Variants in KLHL5 observed in about 807,000 individuals in gnomAD.
The protein encoded by KLHL5 is kelch like family member 5, also known as kelch-like protein 5.
A neutral mutation model predicts 77.7 loss-of-function variants in KLHL5; 48 were observed. That is an observed-to-expected ratio of 0.62 (90% confidence interval 0.49 to 0.79). KLHL5 has a LOEUF of 0.79. KLHL5 is among the 30% of genes least tolerant of loss of function. The pLI is 0.00. For missense variants in KLHL5, 723 were observed against 859.7 expected (o/e 0.84, Z 1.99); for synonymous variants, 260 against 297.0 (o/e 0.88, Z 1.28).
chr4:39,141,591 A>G, the KLHL5 span, among the ~76,000 whole-genome samples: 67 of 152,114 alleles, frequency 4.4e-4, no homozygotes, highest in African/African-American at 9.2e-4. Context: ...GATTACAGGC[A>G]TGAGCCACCG....
At chr4:39,077,108 T>C (rs1011296685) in intron 2 of KLHL5, among the ~76,000 whole-genome samples, 5 of 149,574 alleles carry the variant, frequency 3.3e-5, no homozygotes, top group Non-Finnish European at 7.4e-5. Flanking sequence ...AAAAGTGGGC[T>C]AAGGACATGA....
the KLHL5 span, among the ~76,000 whole-genome samples, chr4:39,132,887 A>G: frequency 2.0e-5 from 3 of 148,842 alleles, no homozygotes; most frequent in Admixed American, 6.6e-5. Flanking sequence ...AATTCTATCT[A>G]GTCTTTCATA....
downstream of KLHL5, among the ~76,000 whole-genome samples, chr4:39,128,927 G>T (rs997018320): frequency 6.6e-6 from 1 of 151,984 alleles, no homozygotes; most frequent in African/African-American, 2.4e-5. Flanking sequence ...GATCAGCCTG[G>T]GTGACAGAGT....
Position 39,067,784 on chromosome 4 carries a change from G to A in KLHL5, c.383+4749G>A, listed in dbSNP as rs561708790. Among the ~76,000 whole-genome samples, 10 of 151,730 alleles carry A rather than the reference G, an allele frequency of 6.6e-5. No individual in the cohort carries two copies. In the East Asian group the frequency reaches 1.9e-3, roughly 30 times the overall value. ...CAGTCTTTGCCTCCTGGGTTCAAGC[G>A]ATTCTCCTGCCTCAGCCCCCAGAGT... On this transcript the variant is annotated intron_variant, in intron 1 of 10. Transcript: ENST00000504108.
At chr4:39,048,490 G>T (rs1716370707) in intron 1 of KLHL5, among the ~76,000 whole-genome samples, 1 of 152,118 alleles carries the variant, frequency 6.6e-6, no homozygotes, top group Non-Finnish European at 1.5e-5. Flanking sequence ...AAACAGCAAA[G>T]ATTTTTTTCT....
chr4:39,080,564 C>G (rs1270070697), intron 2 of KLHL5, among the ~76,000 whole-genome samples: 6 of 150,730 alleles, frequency 4.0e-5, no homozygotes, highest in Non-Finnish European at 7.4e-5. Context: ...TATATATGAC[C>G]ATTAAAAACT....
the KLHL5 span, among the ~76,000 whole-genome samples, chr4:39,141,887 A>G: frequency 6.6e-6 from 1 of 152,252 alleles, no homozygotes; most frequent in Non-Finnish European, 1.5e-5. Context: ...AGAGAACATG[A>G]GCAAATCATT....
In KLHL5 at chr4:39,124,856, G is replaced by A. The variant is rs1484437031; in HGVS notation, c.*3790G>A. On this transcript the variant is annotated 3_prime_UTR_variant, in exon 11 of 11. Transcript: ENST00000504108. ...AATTAAAAGCTTCTACATATCAAGG[G>A]ACACTATGAAGAAAGTGAAAAGACA... 7.2e-6 allele frequency among the ~76,000 whole-genome samples: 1 copy of A among 139,832 alleles called. No individual in the cohort carries two copies. The highest frequency in any genetic ancestry group is 1.5e-5 in the Non-Finnish European group (1 of 64,958). The allele number at this position is 139,832 out of a possible 152,430, so 91.7% of individuals were successfully genotyped here.
chr4:39,127,621 T>C (rs1048649487), downstream of KLHL5, among the ~76,000 whole-genome samples: 2 of 150,472 alleles, frequency 1.3e-5, no homozygotes, highest in African/African-American at 2.4e-5. Flanking sequence ...GTTTGGCTAA[T>C]TTTTTTTTTC....
Position 39,074,875 on chromosome 4 carries a change from T to C in KLHL5, c.384-1090T>C, listed in dbSNP as rs377430038. Among the ~76,000 whole-genome samples, 188 of 152,294 alleles carry C rather than the reference T, an allele frequency of 1.2e-3. 2 individuals are homozygous for C. The South Asian group carries it at 0.029, about 23-fold the overall frequency. On this transcript the variant is annotated intron_variant, in intron 1 of 10. Coordinates refer to ENST00000504108, the MANE Select transcript of KLHL5 (RefSeq NM_015990.5). ...CTAAGTTATGGCACAGTCACTGGTTTTATAGTTAATTGCATAACCAACCGA... is the reference window on the plus strand; with the variant it reads ...CTAAGTTATGGCACAGTCACTGGTTCTATAGTTAATTGCATAACCAACCGA...
At chr4:39,059,534 A>T (rs940241428), upstream of KLHL5, among the ~76,000 whole-genome samples, 1 of 152,084 alleles carries the variant, frequency 6.6e-6, no homozygotes, top group African/African-American at 2.4e-5. Context: ...CTCACTTGAG[A>T]TCAGGAGTTT....
chr4:39,102,540 T>G (rs1366015989), intron 6 of KLHL5, among the ~76,000 whole-genome samples: 7 of 152,076 alleles, frequency 4.6e-5, no homozygotes, highest in Non-Finnish European at 1.0e-4. Context: ...AAGACAGCTC[T>G]TCTGCCTATG....
chr4:39,060,291 A>T (rs1003626738), upstream of KLHL5, among the ~76,000 whole-genome samples: 1 of 152,186 alleles, frequency 6.6e-6, no homozygotes, highest in Non-Finnish European at 1.5e-5. Flanking sequence ...TATATGTACC[A>T]AGCTTGGCGT....
chr4:39,115,135 T>C (rs1722742160), intron 9 of KLHL5, 24 bp from the exon 10 acceptor site: 5 of 1,588,926 alleles, frequency 3.1e-6, no homozygotes, highest in Non-Finnish European at 4.3e-6. Context: ...TAATGTCAGC[T>C]CCGGTTCTAA....
upstream of KLHL5, among the ~76,000 whole-genome samples, chr4:39,057,452 T>TA (rs1717080326): frequency 6.6e-6 from 1 of 152,182 alleles, no homozygotes; most frequent in Non-Finnish European, 1.5e-5. Flanking sequence ...TCAAGGTTAG[T>TA]AAAAATAGAT....
chr4:39,044,988 G>A (rs1158796713), upstream of KLHL5: 15 of 990,174 alleles, frequency 1.5e-5, no homozygotes, highest in African/African-American at 3.5e-5. Flanking sequence ...GCGCGCGAGG[G>A]GCCGAGCATC....
Position 39,107,696 on chromosome 4 carries a change from T to G in KLHL5, c.1653T>G (p.Pro551=). 1 of 1,612,080 alleles carries G rather than the reference T, an allele frequency of 6.2e-7. No homozygotes were observed. The highest frequency in any genetic ancestry group is 2.2e-5 in the East Asian group (1 of 44,862). ...QWNFVATMST[P]RSTVGVAVLS... is the part of the protein sequence containing the mutation. ...ATTTTGTTGCCACTATGTCTACCCC[T>G]AGGAGTACAGTAGGTGTGGCAGTAC... Residue 551 remains proline, a synonymous_variant, in exon 8 of 11, where the codon CCT becomes CCG. Transcript: ENST00000504108.
At chr4:39,135,042 G>A in the KLHL5 span, among the ~76,000 whole-genome samples, 1 of 152,044 alleles carries the variant, frequency 6.6e-6, no homozygotes, top group Admixed American at 6.6e-5. Context: ...ATCTGAACAG[G>A]GAAGATTTTA....
intron 8 of KLHL5, among the ~76,000 whole-genome samples, chr4:39,110,067 G>T (rs1722343216): frequency 6.6e-6 from 1 of 152,104 alleles, no homozygotes; most frequent in Non-Finnish European, 1.5e-5. Flanking sequence ...AATATTTTTA[G>T]CAGTTGAATC....
Sources: allele counts gnomAD v4.1 joint callset (sites outside exome capture counted in the v4.1 genomes callset), GRCh38; gene constraint gnomAD v4.1.1; transcripts MANE v1.5; gene names NCBI Gene and HGNC (gene_info 2026-07-23, HGNC 2026-07-21).